TAFA2: variants seen among roughly 807,000 people sequenced by gnomAD.
TAFA2 encodes the protein TAFA chemokine like family member 2.
TAFA2 carries 7 observed loss-of-function variants against 18.8 expected under a neutral mutation model. The observed-to-expected ratio is 0.37, with a 90% CI of 0.21 to 0.70. TAFA2 has a LOEUF of 0.70. Ranked by LOEUF, TAFA2 falls within the 30% of genes least tolerant of loss-of-function variation. The probability of loss-of-function intolerance (pLI) is 0.53; values close to 1 mark genes in which losing one functional copy is unlikely to be tolerated. For missense variants in TAFA2, 122 were observed against 158.1 expected (o/e 0.77, Z 1.23); for synonymous variants, 60 against 54.2 (o/e 1.11, Z -0.47).
intron 1 of TAFA2, among the ~76,000 whole-genome samples, chr12:62,030,300 T>C (rs182637895): frequency 1.1e-3 from 166 of 152,162 alleles, no homozygotes; most frequent in East Asian, 3.9e-4. Context: ...AGAAGTGGAA[T>C]CCTAGGAACT....
At chr12:62,201,997 T>C (rs1248940142) in intron 1 of TAFA2, among the ~76,000 whole-genome samples, 5 of 152,224 alleles carry the variant, frequency 3.3e-5, no homozygotes, top group Non-Finnish European at 5.9e-5. Context: ...AATTTATTTA[T>C]TTCTTCCAGA....
intron 1 of TAFA2, among the ~76,000 whole-genome samples, chr12:62,088,082 A>G (rs922176411): frequency 6.6e-6 from 1 of 152,088 alleles, no homozygotes; most frequent in Admixed American, 6.6e-5. Context: ...CCTAGCTATG[A>G]AGAACAAAGG....
At chr12:62,129,182 C>A (rs1219863996) in intron 1 of TAFA2, among the ~76,000 whole-genome samples, 1 of 151,854 alleles carries the variant, frequency 6.6e-6, no homozygotes, top group Non-Finnish European at 1.5e-5. Context: ...AAATGTTTTT[C>A]TTCTTTTTTA....
At chr12:61,724,785 G>GTATA (rs1870069563) in intron 4 of TAFA2, among the ~76,000 whole-genome samples, 1 of 86,980 alleles carries the variant, frequency 1.1e-5, no homozygotes, top group African/African-American at 5.1e-5. Context: ...GTGTGTGTGT[G>GTATA]TGTGTGTGTG....
intron 2 of TAFA2, among the ~76,000 whole-genome samples, chr12:61,756,218 C>T (rs997783441): frequency 6.6e-6 from 1 of 152,048 alleles, no homozygotes; most frequent in Admixed American, 6.6e-5. Flanking sequence ...GACCAAGAAA[C>T]TCAAGTGTAA....
chr12:62,242,054 G>T (rs1014480134), intron 1 of TAFA2, among the ~76,000 whole-genome samples: 6 of 152,118 alleles, frequency 3.9e-5, no homozygotes, highest in African/African-American at 1.4e-4. Flanking sequence ...AAAATAAAGA[G>T]AATTCTAAGA....
intron 4 of TAFA2, among the ~76,000 whole-genome samples, chr12:61,723,239 C>A (rs924820590): frequency 3.3e-5 from 5 of 152,086 alleles, no homozygotes; most frequent in African/African-American, 1.2e-4. Context: ...ATCTGTTTCT[C>A]TCACTAAAAT....
intron 1 of TAFA2, among the ~76,000 whole-genome samples, chr12:61,912,329 T>C (rs758158126): frequency 4.6e-5 from 7 of 152,238 alleles, no homozygotes; most frequent in Non-Finnish European, 1.0e-4. Context: ...TATGTGGATA[T>C]TGACACTTGA....
At chr12:61,745,034 A>G (rs1446006303) in intron 4 of TAFA2, among the ~76,000 whole-genome samples, 1 of 152,098 alleles carries the variant, frequency 6.6e-6, no homozygotes, top group Non-Finnish European at 1.5e-5. Context: ...TCACATCTCC[A>G]TATCATTTGA....
rs1469011588 is a variant in TAFA2 at position 62,015,495 on chromosome 12, A to AT, written c.-1-148070dup. Among the ~76,000 whole-genome samples, 9 of 152,242 alleles carry AT rather than the reference A, an allele frequency of 5.9e-5. No homozygotes were observed. In the East Asian group the frequency reaches 1.5e-3, roughly 26 times the overall value. Reference sequence around the variant, plus strand: ...ATCTCAGTAAATGGTTTTTAAGTGGATTTTTTAATGATAAAGATCAGCAGC... The same window carrying AT: ...ATCTCAGTAAATGGTTTTTAAGTGGATTTTTTTAATGATAAAGATCAGCAGC... On this transcript the variant is annotated intron_variant, in intron 1 of 4. Coordinates refer to ENST00000416284, the MANE Select transcript of TAFA2 (RefSeq NM_178539.5).
chr12:61,734,838 C>T (rs1159466842), intron 4 of TAFA2, among the ~76,000 whole-genome samples: 2 of 151,846 alleles, frequency 1.3e-5, no homozygotes, highest in Non-Finnish European at 2.9e-5. Context: ...GTAATAACTA[C>T]CTTTATATTA....
At chr12:62,116,061 T>C (rs915394062) in intron 1 of TAFA2, among the ~76,000 whole-genome samples, 1 of 152,190 alleles carries the variant, frequency 6.6e-6, no homozygotes, top group Non-Finnish European at 1.5e-5. Context: ...AGTCTGTTAC[T>C]GAAAAAAAAT....
chr12:62,066,691 C>G (rs573410910), intron 1 of TAFA2, among the ~76,000 whole-genome samples: 1 of 152,018 alleles, frequency 6.6e-6, no homozygotes, highest in South Asian at 2.1e-4. Flanking sequence ...GTATGTGTAC[C>G]ACATTTTCTT....
intron 2 of TAFA2, among the ~76,000 whole-genome samples, chr12:61,758,393 A>T (rs1002182920): frequency 2.0e-5 from 3 of 151,982 alleles, no homozygotes; most frequent in Admixed American, 2.0e-4. Context: ...GATCATTAAC[A>T]AAGAATGTTC....
chr12:62,211,638 A>G (rs1199166639), intron 1 of TAFA2, among the ~76,000 whole-genome samples: 2 of 151,240 alleles, frequency 1.3e-5, no homozygotes, highest in African/African-American at 2.4e-5. Flanking sequence ...TAAGAAAAGG[A>G]CTTTTATTGT....
chr12:62,177,167 G>A (rs961967954), intron 1 of TAFA2, among the ~76,000 whole-genome samples: 1 of 152,226 alleles, frequency 6.6e-6, no homozygotes, highest in African/African-American at 2.4e-5. Context: ...GAGTGTTCCT[G>A]TCCATGACAA....
At chr12:61,737,340 C>T (rs1171605889) in intron 4 of TAFA2, among the ~76,000 whole-genome samples, 1 of 151,626 alleles carries the variant, frequency 6.6e-6, no homozygotes, top group African/African-American at 2.4e-5. Flanking sequence ...TCAATTTCTC[C>T]TAACTTTTTT....
intron 1 of TAFA2, among the ~76,000 whole-genome samples, chr12:62,027,777 C>G (rs1033068431): frequency 4.6e-5 from 7 of 152,104 alleles, no homozygotes; most frequent in Non-Finnish European, 1.0e-4. Flanking sequence ...CATTAATTTG[C>G]CCAATTTTTC....
At chr12:61,800,832 T>C (rs1871370880) in intron 2 of TAFA2, among the ~76,000 whole-genome samples, 1 of 152,130 alleles carries the variant, frequency 6.6e-6, no homozygotes, top group African/African-American at 2.4e-5. Flanking sequence ...AGGACCTTTA[T>C]GGAGAAAAGT....
Sources: gnomAD v4.1 joint callset for allele counts (sites outside exome capture counted in the v4.1 genomes callset) on GRCh38, gnomAD v4.1.1 for gene constraint, MANE v1.5 for transcripts, NCBI Gene and HGNC (gene_info 2026-07-23, HGNC 2026-07-21) for gene names.